TJP2: variants seen among roughly 807,000 people sequenced by gnomAD.
TJP2 encodes Friedreich ataxia region gene X104 (tight junction protein ZO-2).
In TJP2, 91 loss-of-function variants were observed where a neutral mutation model predicts 133.1. The ratio of observed to expected loss-of-function variants is 0.68; its 90% CI spans 0.58 to 0.81. The LOEUF (loss-of-function observed/expected upper bound fraction) is 0.81. Ranked by LOEUF, TJP2 falls within the 40% of genes least tolerant of loss-of-function variation. TJP2 has a pLI of 0.00. For missense variants in TJP2, 1,541 were observed against 1,565.6 expected (o/e 0.98, Z 0.26); for synonymous variants, 592 against 583.4 (o/e 1.01, Z -0.21).
At chr9:69,154,482 GC>G (rs968617881) in intron 2 of TJP2, among the ~76,000 whole-genome samples, 2 of 152,160 alleles carry the variant, frequency 1.3e-5, no homozygotes, top group Non-Finnish European at 2.9e-5. Context: ...ACTTTAAGGG[GC>G]TTTGATTATC....
chr9:69,149,836 G>T (rs1379784927), intron 1 of TJP2, among the ~76,000 whole-genome samples: 5 of 152,110 alleles, frequency 3.3e-5, no homozygotes, highest in Admixed American at 3.3e-4. Context: ...TTTCCTGCTG[G>T]TGAGCAACCC....
chr9:69,205,257 C>G (rs1339230807), intron 1 of TJP2: 1 of 1,537,250 alleles, frequency 6.5e-7, no homozygotes, highest in South Asian at 1.2e-5. Flanking sequence ...CAAGCTCTCC[C>G]CTTGTTTTCC....
rs1469964666 is a variant in TJP2 at position 69,123,596 on chromosome 9, C to G, written c.-131+1871C>G. On this transcript the variant is annotated intron_variant, in intron 1 of 5. Transcript: ENST00000423935. ...TAGAATCACGCTGGCAGAATATGAA[C>G]AAACATTTGGGAATTCCTGGGTAGA... Among the ~76,000 whole-genome samples the G allele has an allele frequency of 2.6e-5, 2 of 76,850 alleles. 1 individual carries two copies. Among genetic ancestry groups the G allele is most frequent in the African/African-American group, 7.9e-5 (2 of 25,168 alleles). 50.4% of individuals were successfully genotyped at this position (76,850 alleles called of 152,430 possible).
chr9:69,253,404 A>G (rs1369533740), intron 22 of TJP2: 1 of 157,046 alleles, frequency 6.4e-6, no homozygotes, highest in East Asian at 1.9e-4. Context: ...TTTATACTGG[A>G]TTGCTTCCTG....
rs1363500118 is a variant in TJP2, at chr9:69,234,505, A to G, written c.1738A>G (p.Lys580Glu). 6.3e-7 allele frequency: 1 copy of G among 1,577,602 alleles called. No individual in the cohort carries two copies. Among genetic ancestry groups the G allele is most frequent in the Non-Finnish European group, 8.6e-7 (1 of 1,159,224 alleles). Residue 580 changes from lysine (K) to glutamate (E), a missense_variant, in exon 12 of 23, where the codon AAA (lysine) becomes GAA (glutamate). Physicochemically the swap from Lys to Glu is moderately conservative, Grantham distance 56. Coordinates refer to ENST00000377245, the MANE Select transcript of TJP2 (RefSeq NM_004817.4). ...DAVLYLLEIP[K>E]GEMVTILAQS... Reference sequence around the variant, plus strand: ...CGTTCTCTACCTGTTAGAAATCCCTAAAGGTGAAATGGTGACCATTTTAGC... The same window carrying G: ...CGTTCTCTACCTGTTAGAAATCCCTGAAGGTGAAATGGTGACCATTTTAGC...
intron 4 of TJP2, among the ~76,000 whole-genome samples, chr9:69,220,161 A>G (rs898784502): frequency 6.6e-6 from 1 of 152,188 alleles, no homozygotes; most frequent in African/African-American, 2.4e-5. Context: ...AAATAAATAA[A>G]TAAATAAGGC....
Position 69,221,410 on chromosome 9 carries a change from A to G in TJP2, c.866A>G (p.His289Arg). The change falls in exon 5 of 23, where the codon CAC becomes CGC. Residue 289 changes from histidine (H) to arginine (R), a missense_variant. Coordinates refer to ENST00000377245, the MANE Select transcript of TJP2 (RefSeq NM_004817.4). Reference sequence around the variant, plus strand: ...GGACCCCGAAGCCGCAGCCGCGAGCACCCGCACTCACGGAGCCCCAGCCCC... The same window carrying G: ...GGACCCCGAAGCCGCAGCCGCGAGCGCCCGCACTCACGGAGCCCCAGCCCC... ...SRGPRSRSRE[H>R]PHSRSPSPEP... The G allele has an allele frequency of 6.3e-7, 1 of 1,582,834 alleles. No homozygotes were observed. Among genetic ancestry groups the G allele is most frequent in the South Asian group, 1.1e-5 (1 of 87,362 alleles).
Position 69,254,359 on chromosome 9 carries a change from G to T in TJP2, c.3558G>T (p.Arg1186=), listed in dbSNP as rs145112366. 43 of 1,614,150 alleles carry T rather than the reference G, an allele frequency of 2.7e-5. No homozygotes were observed. The East Asian group carries it at 9.1e-4, about 34-fold the overall frequency. ...RGYYGQSARY[R]DTEL is the part of the protein sequence containing the mutation. ...ACTATGGCCAGTCTGCCCGATACCG[G>T]GACACAGAATTATAGATGTCTGAGC... The change falls in exon 23 of 23, where the codon CGG becomes CGT. Residue 1186 remains arginine (R), a synonymous_variant. Coordinates refer to ENST00000377245, the MANE Select transcript of TJP2 (RefSeq NM_004817.4).
rs533967336 is a variant in TJP2 at position 69,146,919 on chromosome 9, G to T, written c.-130-4732G>T. 3.9e-5 allele frequency among the ~76,000 whole-genome samples: 6 copies of T among 152,220 alleles called. No homozygotes were observed. In the East Asian group the frequency reaches 1.2e-3, roughly 29 times the overall value. ...AGGTTTTCTTCCCATCTGTAAAAGGGTACATTTTATTAGAAAAAAATAAAT... is the reference window on the plus strand; with the variant it reads ...AGGTTTTCTTCCCATCTGTAAAAGGTTACATTTTATTAGAAAAAAATAAAT... On this transcript the variant is annotated intron_variant, in intron 1 of 5. Transcript: ENST00000423935.
chr9:69,215,195 T>C (rs368181580), intron 2 of TJP2, among the ~76,000 whole-genome samples: 2 of 152,232 alleles, frequency 1.3e-5, no homozygotes, highest in East Asian at 3.9e-4. Flanking sequence ...GAGCAAAGTT[T>C]GAAAAACTAC....
In TJP2 at chr9:69,240,042, G is replaced by T. The variant is rs879596686; in HGVS notation, c.2461G>T (p.Val821Phe). The T allele has an allele frequency of 5.0e-6, 8 of 1,614,064 alleles. No homozygotes were observed. The highest frequency in any genetic ancestry group is 6.8e-6 in the Non-Finnish European group (8 of 1,180,028). ...IFFNPDSRQG[V>F]KTMRQRLNPT... Reference sequence around the variant, plus strand: ...TTTCAACCCAGACTCCAGACAAGGTGTCAAAACCATGAGACAAAGGTTAAA... The same window carrying T: ...TTTCAACCCAGACTCCAGACAAGGTTTCAAAACCATGAGACAAAGGTTAAA... The change falls in exon 17 of 23, where the codon GTC becomes TTC. Residue 821 changes from valine (V) to phenylalanine (F), a missense_variant. Coordinates refer to ENST00000377245, the MANE Select transcript of TJP2 (RefSeq NM_004817.4).
intron 1 of TJP2, among the ~76,000 whole-genome samples, chr9:69,136,285 A>T (rs1021579941): frequency 6.6e-6 from 1 of 152,180 alleles, no homozygotes; most frequent in Admixed American, 6.5e-5. Context: ...TTGGGAGGCC[A>T]AAGCGGGAGG....
chr9:69,143,153 A>G (rs1381514310), intron 1 of TJP2, among the ~76,000 whole-genome samples: 1 of 152,244 alleles, frequency 6.6e-6, no homozygotes. Context: ...TTCCTAATGA[A>G]AGACACAATT....
At position 69,174,447 on chromosome 9, in the gene TJP2, G is replaced by A; in HGVS notation, c.60+15G>A. 1 of 1,549,676 alleles carries A rather than the reference G, an allele frequency of 6.5e-7. No individual in the cohort carries two copies. The highest frequency in any genetic ancestry group is 8.7e-7 in the Non-Finnish European group (1 of 1,146,566). ...GTTGGCTCCGCGTAAGTGCCTCCTT[G>A]TGCCGCGCGGTTGGGAGGAGGGTCG... On this transcript the variant is annotated intron_variant, in intron 1 of 22. Transcript: ENST00000377245.
intron 1 of TJP2, chr9:69,204,688 A>G (rs1282202088): frequency 2.5e-6 from 1 of 399,636 alleles, no homozygotes; most frequent in Non-Finnish European, 3.4e-6. Flanking sequence ...TCTGTGTAAC[A>G]TTAGCCATTC....
intron 1 of TJP2, among the ~76,000 whole-genome samples, chr9:69,209,290 G>A (rs1158006364): frequency 1.3e-5 from 2 of 152,124 alleles, no homozygotes; most frequent in East Asian, 1.9e-4. Context: ...GCGCCACCAC[G>A]CCCGGCTAAT....
chr9:69,203,081 A>T (rs1827113303), intron 1 of TJP2, among the ~76,000 whole-genome samples: 1 of 152,028 alleles, frequency 6.6e-6, no homozygotes, highest in Non-Finnish European at 1.5e-5. Context: ...TCATGAGGAT[A>T]AGCTCAGGTG....
chr9:69,254,514 G>A lies in TJP2; in HGVS notation c.*140G>A, dbSNP rs1831568868. 9.3e-7 allele frequency: 1 copy of A among 1,080,512 alleles called. No homozygotes were observed. 66.9% of individuals were successfully genotyped at this position (1,080,512 alleles called of 1,614,324 possible). On this transcript the variant is annotated 3_prime_UTR_variant, in exon 23 of 23. Transcript: ENST00000377245. Reference sequence around the variant, plus strand: ...ACTCCAGCTCGTGTGTCCTCATGGAGAACCCAGGGGACAGCTGGTGCAAAT... The same window carrying A: ...ACTCCAGCTCGTGTGTCCTCATGGAAAACCCAGGGGACAGCTGGTGCAAAT...
rs555555477 is a variant in TJP2 at position 69,239,899 on chromosome 9, T to A, written c.2356-38T>A. 4 of 1,482,866 alleles carry A rather than the reference T, an allele frequency of 2.7e-6. No homozygotes were observed. In the South Asian group the frequency reaches 4.5e-5, roughly 17 times the overall value. 91.9% of individuals were successfully genotyped at this position (1,482,866 alleles called of 1,614,324 possible). A position where few individuals can be genotyped will look rare whatever the true frequency, so the allele number is the denominator to read the frequency against. ...AAGTATTTGATGCTATATTACTTTA[T>A]ATATCCATTTCTCTAACTTTTCCCC... On this transcript the variant is annotated intron_variant, in intron 16 of 22. Transcript: ENST00000377245.
Sources: allele counts gnomAD v4.1 joint callset (sites outside exome capture counted in the v4.1 genomes callset), GRCh38; gene constraint gnomAD v4.1.1; transcripts MANE v1.5; gene names NCBI Gene and HGNC (gene_info 2026-07-23, HGNC 2026-07-21).